IGFBP7: variants seen among roughly 807,000 people sequenced by gnomAD.
IGFBP7 encodes insulin-like growth factor-binding protein 7.
In IGFBP7, 31 loss-of-function variants were observed where a neutral mutation model predicts 29.4. That is an observed-to-expected ratio of 1.05 (90% CI 0.79 to 1.42). The LOEUF is 1.42. IGFBP7 is among the 40% of genes most tolerant of loss of function. The pLI is 0.00. For missense variants in IGFBP7, 393 were observed against 395.5 expected (o/e 0.99, Z 0.05); for synonymous variants, 172 against 174.9 (o/e 0.98, Z 0.13).
At chr4:57,084,069 A>G (rs1256491766) in intron 1 of IGFBP7, among the ~76,000 whole-genome samples, 1 of 152,170 alleles carries the variant, frequency 6.6e-6, no homozygotes, top group African/African-American at 2.4e-5. Context: ...AATATACCCT[A>G]CCACTCATTT....
At chr4:57,040,290 C>T (rs1724189747) in intron 2 of IGFBP7, among the ~76,000 whole-genome samples, 1 of 152,110 alleles carries the variant, frequency 6.6e-6, no homozygotes, top group South Asian at 2.1e-4. Context: ...GTCCTTTTAC[C>T]TTCTTAGCCG....
chr4:57,054,528 A>G (rs1462328926), intron 1 of IGFBP7, among the ~76,000 whole-genome samples: 2 of 151,676 alleles, frequency 1.3e-5, no homozygotes, highest in African/African-American at 4.9e-5. Flanking sequence ...AGTCCCAGCT[A>G]CTTGGAAGGC....
intron 1 of IGFBP7, among the ~76,000 whole-genome samples, chr4:57,102,743 T>C (rs1472399203): frequency 1.3e-5 from 2 of 152,192 alleles, no homozygotes; most frequent in Non-Finnish European, 2.9e-5. Flanking sequence ...TTTCCTAAAA[T>C]GCAGTGATTG....
chr4:57,105,914 T>TTC (rs1337739370), intron 1 of IGFBP7, among the ~76,000 whole-genome samples: 1 of 150,356 alleles, frequency 6.7e-6, no homozygotes, highest in Admixed American at 6.6e-5. Context: ...TAAATTTTTT[T>TTC]TTTTTTTTTT....
At chr4:57,037,419 C>T (rs565116626) in intron 2 of IGFBP7, among the ~76,000 whole-genome samples, 1 of 151,844 alleles carries the variant, frequency 6.6e-6, no homozygotes, top group Non-Finnish European at 1.5e-5. Flanking sequence ...CTCTGTTGCC[C>T]AGGCTGGAGT....
Position 57,080,076 on chromosome 4 carries a change from CTGAG to C in IGFBP7, c.475+29797_475+29800del, listed in dbSNP as rs1189437200. 2.6e-5 allele frequency among the ~76,000 whole-genome samples: 4 copies of C among 152,322 alleles called. No individual in the cohort carries two copies. The East Asian group carries it at 7.7e-4, about 29-fold the overall frequency. On this transcript the variant is annotated intron_variant, in intron 1 of 4. Coordinates refer to ENST00000295666, the MANE Select transcript of IGFBP7 (RefSeq NM_001553.3). ...TCCTGACCACGATTCCCACGGTTTT[CTGAG>C]TGATGGCCTATTGACATGGCCCTTT... is the stretch of plus-strand genomic sequence containing the variant.
At chr4:57,073,010 G>A in intron 1 of IGFBP7, 1 of 1,041,112 alleles carries the variant, frequency 9.6e-7, no homozygotes, top group Non-Finnish European at 1.5e-6. Flanking sequence ...CAGCCTTCGA[G>A]GCAAACCCAA....
chr4:57,087,467 A>G (rs1300016811), intron 1 of IGFBP7, among the ~76,000 whole-genome samples: 1 of 152,234 alleles, frequency 6.6e-6, no homozygotes, highest in Non-Finnish European at 1.5e-5. Flanking sequence ...AATTTGTTGT[A>G]GCAGATTCCT....
intron 1 of IGFBP7, among the ~76,000 whole-genome samples, chr4:57,104,960 C>A: frequency 6.6e-6 from 1 of 152,154 alleles, no homozygotes; most frequent in East Asian, 1.9e-4. Context: ...TGTTAATCAA[C>A]AAATATTTAT....
chr4:57,109,928 T>C lies in IGFBP7; in HGVS notation c.424A>G (p.Ser142Gly). The change falls in exon 1 of 5, where the codon AGC becomes GGC. Residue 142 changes from serine to glycine, a missense_variant. By Grantham distance (56) the Ser-to-Gly change is moderately conservative. Coordinates refer to ENST00000295666, the MANE Select transcript of IGFBP7 (RefSeq NM_001553.3). ...TGGGTGATGGCCTTCTCCCCGCGGC[T>C]CTCGGCCCTCTGGCTGGCGGCGCGC... ...QLRAASQRAESRGEKAITQVS... is the reference protein window; with the variant it reads ...QLRAASQRAEGRGEKAITQVS... 1 of 1,557,642 alleles carries C rather than the reference T, an allele frequency of 6.4e-7. No individual in the cohort carries two copies. The highest frequency in any genetic ancestry group is 8.6e-7 in the Non-Finnish European group (1 of 1,158,110).
At chr4:57,082,015 G>A (rs1330276741) in intron 1 of IGFBP7, among the ~76,000 whole-genome samples, 2 of 152,150 alleles carry the variant, frequency 1.3e-5, no homozygotes, top group African/African-American at 4.8e-5. Flanking sequence ...ACTCGGGGAT[G>A]CTGGTGTGTG....
intron 1 of IGFBP7, among the ~76,000 whole-genome samples, chr4:57,049,112 C>T (rs1180800058): frequency 6.6e-6 from 1 of 152,066 alleles, no homozygotes; most frequent in Non-Finnish European, 1.5e-5. Flanking sequence ...ATGTATGTGA[C>T]TCATAACATG....
chr4:57,031,580 A>T (rs1157302428), intron 4 of IGFBP7, among the ~76,000 whole-genome samples: 2 of 152,222 alleles, frequency 1.3e-5, no homozygotes, highest in African/African-American at 2.4e-5. Flanking sequence ...TTATTATAGA[A>T]CTGGAAGAGC....
At chr4:57,075,754 C>T (rs868534461) in intron 1 of IGFBP7, among the ~76,000 whole-genome samples, 9 of 151,818 alleles carry the variant, frequency 5.9e-5, no homozygotes, top group East Asian at 3.9e-4. Flanking sequence ...AGATAATTTT[C>T]ACATTTGAAA....
intron 1 of IGFBP7, among the ~76,000 whole-genome samples, chr4:57,076,170 G>T (rs1360118466): frequency 6.6e-6 from 1 of 151,922 alleles, no homozygotes; most frequent in Admixed American, 6.6e-5. Context: ...TGGAAAGAGA[G>T]ATCATCTTTC....
chr4:57,061,408 A>G (rs1724797443), intron 1 of IGFBP7, among the ~76,000 whole-genome samples: 1 of 152,212 alleles, frequency 6.6e-6, no homozygotes, highest in East Asian at 1.9e-4. Flanking sequence ...AGTAAAATAG[A>G]ACAACTATAA....
At chr4:57,054,217 C>T (rs1359273321) in intron 1 of IGFBP7, among the ~76,000 whole-genome samples, 1 of 147,626 alleles carries the variant, frequency 6.8e-6, no homozygotes, top group African/African-American at 2.5e-5. Flanking sequence ...TGCCTGGTAT[C>T]CTCAGACATC....
rs150560827 is a variant in IGFBP7 at position 57,061,677 on chromosome 4, G to A, written c.476-20744C>T. 4.6e-4 allele frequency among the ~76,000 whole-genome samples: 70 copies of A among 152,244 alleles called. No homozygotes were observed. The South Asian group carries it at 0.012, about 27-fold the overall frequency. On this transcript the variant is annotated intron_variant, in intron 1 of 4. Coordinates refer to ENST00000295666, the MANE Select transcript of IGFBP7 (RefSeq NM_001553.3). ...TGTGTGGAATGTAAAACCAGAAAGTGTTTGTTTTTGGAATTTCCCATGTAA... is the reference window on the plus strand; with the variant it reads ...TGTGTGGAATGTAAAACCAGAAAGTATTTGTTTTTGGAATTTCCCATGTAA...
At chr4:57,041,210 T>C (rs1724218479) in intron 1 of IGFBP7, among the ~76,000 whole-genome samples, 1 of 152,234 alleles carries the variant, frequency 6.6e-6, no homozygotes. Context: ...TGAGTGCTAA[T>C]TTACCAGCTG....
Sources: allele counts gnomAD v4.1 joint callset (sites outside exome capture counted in the v4.1 genomes callset), GRCh38; gene constraint gnomAD v4.1.1; transcripts MANE v1.5; gene names NCBI Gene and HGNC (gene_info 2026-07-23, HGNC 2026-07-21).